The following AP3B1 variants were observed in gnomAD, a reference collection of about 807,000 sequenced individuals.
AP3B1 encodes the protein adaptor related protein complex 3 subunit beta 1.
In AP3B1, 61 loss-of-function variants were observed where a neutral mutation model predicts 132.5. The observed-to-expected ratio is 0.46, with a 90% CI of 0.37 to 0.57. The LOEUF is 0.57. Among genes scored for constraint, AP3B1 ranks in the 20% least tolerant of loss-of-function variants. AP3B1 has a pLI of 0.00. For missense variants in AP3B1, 1,120 were observed against 1,289.4 expected (o/e 0.87, Z 2.01); for synonymous variants, 388 against 438.3 (o/e 0.89, Z 1.43).
chr5:78,072,857 G>C (rs1440284135), intron 22 of AP3B1, among the ~76,000 whole-genome samples: 1 of 151,438 alleles, frequency 6.6e-6, no homozygotes, highest in South Asian at 2.1e-4. Flanking sequence ...GAGTAGCTGG[G>C]ATTAAAGGCA....
intron 14 of AP3B1, among the ~76,000 whole-genome samples, chr5:78,154,029 A>G (rs1398876729): frequency 2.6e-5 from 4 of 152,144 alleles, no homozygotes; most frequent in Admixed American, 2.6e-4. Context: ...TGTACATACT[A>G]TTACCAGTGA....
intron 11 of AP3B1, among the ~76,000 whole-genome samples, chr5:78,166,975 C>T (rs1246879562): frequency 2.0e-5 from 3 of 152,080 alleles, no homozygotes; most frequent in Non-Finnish European, 4.4e-5. Flanking sequence ...ACAAATGCAA[C>T]AAAAACAAAG....
intron 2 of AP3B1, among the ~76,000 whole-genome samples, chr5:78,243,863 A>G (rs1348513350): frequency 6.6e-6 from 1 of 152,230 alleles, no homozygotes; most frequent in East Asian, 1.9e-4. Context: ...GGCTTTTACT[A>G]TGAGTGAAGC....
chr5:78,277,165 G>C (rs1240570070), intron 1 of AP3B1, among the ~76,000 whole-genome samples: 1 of 152,126 alleles, frequency 6.6e-6, no homozygotes, highest in Non-Finnish European at 1.5e-5. Flanking sequence ...AACTACAATA[G>C]AGAAAAATCA....
chr5:78,195,012 T>C (rs1407619196), intron 7 of AP3B1, among the ~76,000 whole-genome samples: 1 of 150,636 alleles, frequency 6.6e-6, no homozygotes, highest in African/African-American at 2.4e-5. Flanking sequence ...AATACTACCA[T>C]AGAATACTTT....
At chr5:78,090,170 G>A (rs1384084599) in intron 21 of AP3B1, among the ~76,000 whole-genome samples, 1 of 152,054 alleles carries the variant, frequency 6.6e-6, no homozygotes, top group Non-Finnish European at 1.5e-5. Context: ...AGTCCTCTAT[G>A]GTCTGCCCCA....
intron 1 of AP3B1, among the ~76,000 whole-genome samples, chr5:78,281,641 A>T (rs1749061985): frequency 6.6e-6 from 1 of 152,266 alleles, no homozygotes; most frequent in Non-Finnish European, 1.5e-5. Flanking sequence ...AAGAATGCTA[A>T]GAAAAAAATC....
At chr5:78,279,942 G>A (rs1748980255) in intron 1 of AP3B1, among the ~76,000 whole-genome samples, 1 of 109,706 alleles carries the variant, frequency 9.1e-6, no homozygotes, top group African/African-American at 3.0e-5. Context: ...GCCAGGCATG[G>A]TGGTGTACAC....
intron 22 of AP3B1, among the ~76,000 whole-genome samples, chr5:78,070,194 G>A: frequency 6.6e-6 from 1 of 151,914 alleles, no homozygotes; most frequent in Non-Finnish European, 1.5e-5. Context: ...ATCACCTGAG[G>A]TCAGGAGTTC....
intron 16 of AP3B1, 123 bp downstream of exon 16, chr5:78,128,998 T>C: frequency 1.2e-6 from 1 of 825,256 alleles, no homozygotes; most frequent in South Asian, 1.9e-5. Context: ...GCTGTTCTTA[T>C]ATATTTATAT....
At chr5:78,238,842 G>T (rs993994474) in intron 3 of AP3B1, among the ~76,000 whole-genome samples, 2 of 151,220 alleles carry the variant, frequency 1.3e-5, no homozygotes, top group Admixed American at 1.3e-4. Context: ...TATATTAAGT[G>T]TTAGCAAAAT....
chr5:78,013,998 C>T (rs1561353537), intron 26 of AP3B1, among the ~76,000 whole-genome samples: 1 of 152,076 alleles, frequency 6.6e-6, no homozygotes, highest in South Asian at 2.1e-4. Flanking sequence ...CCCGTCTCTA[C>T]TAAAAATACA....
chr5:78,104,350 T>A (rs942362494), intron 20 of AP3B1, among the ~76,000 whole-genome samples: 6 of 152,140 alleles, frequency 3.9e-5, no homozygotes, highest in African/African-American at 1.4e-4. Flanking sequence ...CTAAAACAGA[T>A]CTTTTCCTAT....
chr5:78,282,859 AAAAAAAAT>A (rs1561220279), intron 1 of AP3B1, among the ~76,000 whole-genome samples: 1 of 151,508 alleles, frequency 6.6e-6, no homozygotes, highest in African/African-American at 2.4e-5. Flanking sequence ...AAAAAAAAAA[AAAAAAAAT>A]AGCTAGGCAT....
intron 6 of AP3B1, chr5:78,222,516 A>T (rs1424803051): frequency 6.6e-6 from 1 of 152,348 alleles, no homozygotes; most frequent in South Asian, 2.1e-4. Context: ...GAACACTAGT[A>T]TAATTGTTTG....
At chr5:78,096,042 G>C (rs867334250) in intron 21 of AP3B1, among the ~76,000 whole-genome samples, 30 of 152,066 alleles carry the variant, frequency 2.0e-4, no homozygotes, top group Middle Eastern at 3.4e-3. Flanking sequence ...CTCTCCCCAC[G>C]GTCTCCCTCT....
In AP3B1 at chr5:78,210,436, T is replaced by C. The variant is rs940040748; in HGVS notation, c.786+5619A>G. ...ACTTAAGAACTTACCTTAAAAATAC[T>C]TTAAACAAAATTCTAAATTTGGACT... On this transcript the variant is annotated intron_variant, in intron 7 of 26. Coordinates refer to ENST00000255194, the MANE Select transcript of AP3B1 (RefSeq NM_003664.5). Among the ~76,000 whole-genome samples, 3 of 152,168 alleles carry C rather than the reference T, an allele frequency of 2.0e-5. No individual in the cohort carries two copies. In the East Asian group the frequency reaches 5.8e-4, roughly 29 times the overall value.
At chr5:78,132,808 T>C (rs1026242540) in intron 15 of AP3B1, among the ~76,000 whole-genome samples, 5 of 152,256 alleles carry the variant, frequency 3.3e-5, no homozygotes, top group African/African-American at 1.2e-4. Flanking sequence ...AAATATTTTA[T>C]GCATGTTAAG....
chr5:78,275,989 TAAG>T (rs1413123886), intron 1 of AP3B1, among the ~76,000 whole-genome samples: 1 of 152,258 alleles, frequency 6.6e-6, no homozygotes, highest in South Asian at 2.1e-4. Context: ...TTGAAAGGTA[TAAG>T]AATCAGAGTA....
Sources: gnomAD v4.1 joint callset for allele counts (sites outside exome capture counted in the v4.1 genomes callset) on GRCh38, gnomAD v4.1.1 for gene constraint, MANE v1.5 for transcripts, NCBI Gene and HGNC (gene_info 2026-07-23, HGNC 2026-07-21) for gene names.